Variants in CCND3 observed in about 807,000 individuals in gnomAD.
CCND3 encodes the protein G1/S-specific cyclin-D3.
In CCND3, 9 loss-of-function variants were observed where a neutral mutation model predicts 28.7. That is an observed-to-expected ratio of 0.31 (90% CI 0.19 to 0.55). The LOEUF (loss-of-function observed/expected upper bound fraction) is 0.55, where lower values mean the gene tolerates loss of function less well. CCND3 is among the 20% of genes least tolerant of loss of function. The pLI is 0.93. For missense variants in CCND3, 315 were observed against 385.8 expected, an observed-to-expected ratio of 0.82 and a Z score of 1.54; for synonymous variants, 164 against 163.9, an observed-to-expected ratio of 1.00 and a Z score of 0.00.
At chr6:42,037,956 G>T (rs573776469) in intron 1 of CCND3, among the ~76,000 whole-genome samples, 1 of 151,102 alleles carries the variant, frequency 6.6e-6, no homozygotes, top group South Asian at 2.1e-4. Context: ...GCTTGAACCC[G>T]GGAGGCGGAG....
chr6:41,959,185 A>C (rs1761630799), intron 1 of CCND3, among the ~76,000 whole-genome samples: 1 of 152,132 alleles, frequency 6.6e-6, no homozygotes, highest in East Asian at 1.9e-4. Flanking sequence ...GTGATAGCGC[A>C]TACCTGTAAT....
rs766705319 is a variant in CCND3 at position 41,969,388 on chromosome 6, C to T, written c.-45-28803G>A. ...AAAATTAGCTGGGCATAGTGGCGCA[C>T]GCCTGTAATCCCAGCTACTCGGGAG... is the stretch of plus-strand genomic sequence containing the variant. On this transcript the variant is annotated intron_variant, in intron 1 of 4. Coordinates refer to the CCND3 transcript ENST00000372988. Among the ~76,000 whole-genome samples the T allele has an allele frequency of 2.6e-4, 40 of 152,202 alleles. 1 individual carries two copies. Among genetic ancestry groups the T allele is most frequent in the Admixed American group, 2.6e-4 (4 of 15,290 alleles).
intron 1 of CCND3, among the ~76,000 whole-genome samples, chr6:41,998,999 T>C (rs769156261): frequency 6.6e-6 from 1 of 151,932 alleles, no homozygotes; most frequent in Non-Finnish European, 1.5e-5. Context: ...TTTTATTATA[T>C]TAACTTCCTT....
intron 1 of CCND3, among the ~76,000 whole-genome samples, chr6:42,005,540 CAAAAAAAAAA>C (rs58659355): frequency 6.4e-5 from 4 of 62,840 alleles, no homozygotes; most frequent in Admixed American, 2.2e-4. Flanking sequence ...GACCCTGTCT[CAAAAAAAAAA>C]AAAAAAAAAA....
chr6:42,013,766 A>AAGCC (rs1397339231), intron 1 of CCND3, among the ~76,000 whole-genome samples: 2 of 152,168 alleles, frequency 1.3e-5, no homozygotes, highest in Non-Finnish European at 2.9e-5. Flanking sequence ...TTCCAGCGCC[A>AAGCC]AGCCATTCAT....
chr6:41,980,224 C>G (rs1762304566), intron 1 of CCND3, among the ~76,000 whole-genome samples: 1 of 151,762 alleles, frequency 6.6e-6, no homozygotes, highest in Non-Finnish European at 1.5e-5. Flanking sequence ...CAACCTCTGC[C>G]TTCCAGGTTC....
At position 41,941,447 on chromosome 6, in the gene CCND3, G is replaced by C. The variant is rs1453883159; in HGVS notation, c.198+5C>G. ...GTGGGGGAGGGGGACGCGTCCGGGC[G>C]GTACCTCCAGCATCCAGTAAGCCAG... On this transcript the variant is annotated splice_donor_5th_base_variant and intron_variant, in intron 1 of 4. Coordinates refer to ENST00000372991, the MANE Select transcript of CCND3 (RefSeq NM_001760.5). The surrounding 1 kb of genome is among the most constrained non-coding windows in gnomAD (Gnocchi z 6.1). 1.9e-6 allele frequency: 3 copies of C among 1,607,396 alleles called. No homozygotes were observed. The highest frequency in any genetic ancestry group is 2.5e-6 in the Non-Finnish European group (3 of 1,178,464).
Position 42,000,562 on chromosome 6 carries a change from A to ATTTT in CCND3, c.-46+47938_-46+47939insAAAA, listed in dbSNP as rs1458063924. ...ACTTTCTAATAACTGGGTGAAACGA[A>ATTTT]TCTTTTTTTTTTTTTTTTTTCTGAG... On this transcript the variant is annotated intron_variant, in intron 1 of 4. Transcript: ENST00000372988. 3.6e-4 allele frequency among the ~76,000 whole-genome samples: 5 copies of ATTTT among 13,990 alleles called. No individual in the cohort carries two copies. In the East Asian group the frequency reaches 5.8e-3, roughly 16 times the overall value. 9.2% of individuals were successfully genotyped at this position (13,990 alleles called of 152,430 possible).
chr6:42,040,691 A>C (rs1764344674), intron 1 of CCND3, among the ~76,000 whole-genome samples: 1 of 152,018 alleles, frequency 6.6e-6, no homozygotes, highest in Admixed American at 6.6e-5. Flanking sequence ...GTCTCTACTG[A>C]AAATACAAAA....
At chr6:41,961,868 G>C (rs1761727853) in intron 1 of CCND3, among the ~76,000 whole-genome samples, 1 of 152,098 alleles carries the variant, frequency 6.6e-6, no homozygotes, top group African/African-American at 2.4e-5. Flanking sequence ...GTGATCTGCT[G>C]AGTCACCCAA....
intron 1 of CCND3, among the ~76,000 whole-genome samples, chr6:42,019,635 C>T (rs1763641238): frequency 6.6e-6 from 1 of 151,712 alleles, no homozygotes; most frequent in Admixed American, 6.6e-5. Context: ...TTTGTAGGCA[C>T]AGAAAAAAAG....
Position 42,048,469 on chromosome 6 carries a change from T to G in CCND3, c.-46+32A>C. The G allele has an allele frequency of 2.0e-6, 1 of 491,084 alleles. No homozygotes were observed. Among genetic ancestry groups the G allele is most frequent in the Non-Finnish European group, 4.1e-6 (1 of 246,192 alleles). 30.4% of individuals were successfully genotyped at this position (491,084 alleles called of 1,614,324 possible). Reference sequence around the variant, plus strand: ...GTCTCCAGCCTGAGCTGACATCCCATCTACCCCGGTTTCTCCAGCACCCAA... The same window carrying G: ...GTCTCCAGCCTGAGCTGACATCCCAGCTACCCCGGTTTCTCCAGCACCCAA... On this transcript the variant is annotated intron_variant, in intron 1 of 4. Transcript: ENST00000372988. This position sits in a 1 kb window ranked among gnomAD's most constrained non-coding sequence, Gnocchi z 4.7.
chr6:42,044,517 G>A lies in CCND3; in HGVS notation c.-46+3984C>T, dbSNP rs539812825. ...TTACAGGCGAAGGGGCTTTGAGGTC[G>A]TCTTGCTGGCAGAGGCCCCTCTTAT... On this transcript the variant is annotated intron_variant, in intron 1 of 4. Transcript: ENST00000372988. Among the ~76,000 whole-genome samples the A allele has an allele frequency of 7.2e-5, 11 of 152,320 alleles. No individual in the cohort carries two copies. In the East Asian group the frequency reaches 1.9e-3, roughly 27 times the overall value.
chr6:42,012,369 C>T (rs1763368366), intron 1 of CCND3, among the ~76,000 whole-genome samples: 1 of 151,332 alleles, frequency 6.6e-6, no homozygotes, highest in Non-Finnish European at 1.5e-5. Context: ...TTGCAGTGAG[C>T]CAAGATCACA....
At chr6:41,954,459 G>C (rs1359070917) in intron 1 of CCND3, among the ~76,000 whole-genome samples, 3 of 151,458 alleles carry the variant, frequency 2.0e-5, no homozygotes, top group Non-Finnish European at 4.4e-5. Flanking sequence ...GCTGAGGCAG[G>C]AGAATTACTT....
intron 1 of CCND3, among the ~76,000 whole-genome samples, chr6:42,034,216 C>T (rs749485442): frequency 2.3e-4 from 34 of 150,322 alleles, no homozygotes; most frequent in Non-Finnish European, 4.0e-4. Flanking sequence ...GGTGCGATCT[C>T]GGCTCACTGC....
At chr6:41,966,917 G>T (rs2127406557) in intron 1 of CCND3, among the ~76,000 whole-genome samples, 1 of 152,258 alleles carries the variant, frequency 6.6e-6, no homozygotes, top group Middle Eastern at 3.4e-3. Context: ...GGAAAGAGAA[G>T]TTTAACACAA....
intron 1 of CCND3, among the ~76,000 whole-genome samples, chr6:42,015,635 G>A (rs982256846): frequency 4.6e-5 from 7 of 151,958 alleles, no homozygotes; most frequent in African/African-American, 1.2e-4. Flanking sequence ...GCATGAACCC[G>A]GGAGGCGGAG....
At chr6:42,000,143 C>CA (rs560215550) in intron 1 of CCND3, among the ~76,000 whole-genome samples, 106 of 134,116 alleles carry the variant, frequency 7.9e-4, no homozygotes, top group Admixed American at 2.3e-3. Flanking sequence ...AAAAACATTT[C>CA]AAAAAAAATC....
Sources: gnomAD v4.1 joint callset for allele counts (sites outside exome capture counted in the v4.1 genomes callset) on GRCh38, gnomAD v4.1.1 for gene constraint, Gnocchi (gnomAD v3.1) non-coding constraint, MANE v1.5 for transcripts, NCBI Gene and HGNC (gene_info 2026-07-23, HGNC 2026-07-21) for gene names.